Variants in ATP9A observed in about 807,000 individuals in gnomAD.
ATP9A encodes the protein probable phospholipid-transporting ATPase IIA.
A neutral mutation model predicts 144.1 loss-of-function variants in ATP9A; 52 were observed. The ratio of observed to expected loss-of-function variants is 0.36; its 90% CI spans 0.29 to 0.45. The LOEUF is 0.45. Ranked by LOEUF, ATP9A falls within the 20% of genes least tolerant of loss-of-function variation. ATP9A has a pLI of 1.00. For missense variants in ATP9A, 947 were observed against 1,392.7 expected (o/e 0.68, Z 5.09); for synonymous variants, 582 against 557.4 (o/e 1.04, Z -0.62).
intron 7 of ATP9A, 97 bp from the exon 8 acceptor site, chr20:51,690,916 C>A: frequency 1.0e-6 from 1 of 986,676 alleles, no homozygotes; most frequent in Non-Finnish European, 1.6e-6. Context: ...ATATTTCCCA[C>A]ACACAGCAAA....
At chr20:51,734,767 T>C (rs1393760425) in intron 1 of ATP9A, 1 of 214,492 alleles carries the variant, frequency 4.7e-6, no homozygotes, top group Non-Finnish European at 1.0e-5. Flanking sequence ...AAGAAGTGCA[T>C]GAAGAAGATG....
chr20:51,670,234 T>C (rs1234040538), intron 12 of ATP9A, 125 bp from the exon 13 acceptor site: 4 of 705,252 alleles, frequency 5.7e-6, no homozygotes, highest in Admixed American at 2.5e-5. Flanking sequence ...GTACTGTCCC[T>C]GCTGGGGAAG....
intron 24 of ATP9A, among the ~76,000 whole-genome samples, 155 bp downstream of exon 24, chr20:51,609,946 A>C (rs2077178662): frequency 1.3e-5 from 2 of 152,228 alleles, no homozygotes; most frequent in South Asian, 4.1e-4. Context: ...TAATTGAAGG[A>C]GGTTCTAAAC....
rs1015973290 is a variant in ATP9A, at chr20:51,768,165, C to T, written c.68+137G>A. 8.2e-5 allele frequency: 34 copies of T among 417,002 alleles called. 1 individual carries two copies. Among genetic ancestry groups the T allele is most frequent in the African/African-American group, 6.8e-4 (32 of 46,954 alleles). 25.8% of individuals were successfully genotyped at this position (417,002 alleles called of 1,614,324 possible). On this transcript the variant is annotated intron_variant, in intron 1 of 27. Transcript: ENST00000338821. ...GCGCAGGGACCCCCTCCCCACCTCC[C>T]CGCCTCCCCAGCCCTGCCCCAGGCT... is the stretch of plus-strand genomic sequence containing the variant.
chr20:51,646,531 G>A (rs1433449893), intron 14 of ATP9A, among the ~76,000 whole-genome samples: 1 of 152,140 alleles, frequency 6.6e-6, no homozygotes, highest in Non-Finnish European at 1.5e-5. Flanking sequence ...AAATGCACCA[G>A]GCAGTGGTTG....
chr20:51,727,735 G>A (rs1030068849), intron 2 of ATP9A, among the ~76,000 whole-genome samples: 4 of 152,054 alleles, frequency 2.6e-5, no homozygotes, highest in African/African-American at 9.7e-5. Flanking sequence ...TTCAAGACCA[G>A]CCTGGCCAAC....
At chr20:51,653,835 G>C (rs922085485) in intron 14 of ATP9A, among the ~76,000 whole-genome samples, 5 of 151,760 alleles carry the variant, frequency 3.3e-5, no homozygotes, top group Admixed American at 3.3e-4. Context: ...GGAGGCTGAA[G>C]GATCACTTGA....
chr20:51,746,909 G>A (rs1217331108), intron 1 of ATP9A, among the ~76,000 whole-genome samples: 1 of 152,064 alleles, frequency 6.6e-6, no homozygotes, highest in Non-Finnish European at 1.5e-5. Context: ...CAGAGGCTGA[G>A]GCAGGAGAAT....
At chr20:51,762,012 T>C (rs1393669376) in intron 1 of ATP9A, among the ~76,000 whole-genome samples, 1 of 152,032 alleles carries the variant, frequency 6.6e-6, no homozygotes, top group African/African-American at 2.4e-5. Context: ...TCTCCCAATC[T>C]TTCTCTTATG....
rs545924183 is a variant in ATP9A at position 51,725,438 on chromosome 20, G to A, written c.327+381C>T. Among the ~76,000 whole-genome samples the A allele has an allele frequency of 2.6e-4, 39 of 152,206 alleles. No homozygotes were observed. In the South Asian group the frequency reaches 7.9e-3, roughly 31 times the overall value. On this transcript the variant is annotated intron_variant, in intron 3 of 27. Coordinates refer to ENST00000338821, the MANE Select transcript of ATP9A (RefSeq NM_006045.3). ...TGCCTGGCCAGATTTTAGACCATTT[G>A]AGATTTTGGATTTGGGATGCTCAAC...
intron 1 of ATP9A, among the ~76,000 whole-genome samples, chr20:51,760,552 C>T (rs1384080754): frequency 6.6e-6 from 1 of 151,840 alleles, no homozygotes; most frequent in East Asian, 1.9e-4. Context: ...CATGGCGAAA[C>T]CCCGTCTCTA....
In ATP9A at chr20:51,685,495, G is replaced by A. The variant is rs535320791; in HGVS notation, c.799+3569C>T. ...GAGAATCACTTCAACCTGGGAAGGTGGAGGTTGCAGTGAGCCAAGATCACA... is the reference window on the plus strand; with the variant it reads ...GAGAATCACTTCAACCTGGGAAGGTAGAGGTTGCAGTGAGCCAAGATCACA... On this transcript the variant is annotated intron_variant, in intron 9 of 27. Transcript: ENST00000338821. Among the ~76,000 whole-genome samples the A allele has an allele frequency of 1.1e-4, 17 of 152,102 alleles. No individual in the cohort carries two copies. The East Asian group carries it at 2.3e-3, about 21-fold the overall frequency.
intron 22 of ATP9A, among the ~76,000 whole-genome samples, chr20:51,614,785 G>C (rs1197998979): frequency 2.0e-5 from 3 of 152,060 alleles, no homozygotes; most frequent in African/African-American, 7.2e-5. Flanking sequence ...CACTACAACT[G>C]TCCTGAATGC....
chr20:51,635,901 A>G (rs1189956574), intron 15 of ATP9A, among the ~76,000 whole-genome samples: 6 of 148,678 alleles, frequency 4.0e-5, no homozygotes, highest in African/African-American at 7.5e-5. Context: ...AGGGGAGAGG[A>G]CAGGAGGAAC....
chr20:51,624,619 G>C (rs2077240342), intron 18 of ATP9A, among the ~76,000 whole-genome samples: 1 of 152,152 alleles, frequency 6.6e-6, no homozygotes, highest in Non-Finnish European at 1.5e-5. Flanking sequence ...ATGCACGCTG[G>C]ACACTGCTCG....
At chr20:51,629,096 T>A (rs1357224698) in intron 15 of ATP9A, 24 bp from the exon 16 acceptor site, 2 of 1,585,718 alleles carry the variant, frequency 1.3e-6, no homozygotes, top group African/African-American at 2.7e-5. Flanking sequence ...CCGGAAGGAA[T>A]GAGAAACTGA....
chr20:51,712,600 C>T (rs2077644393), intron 4 of ATP9A, among the ~76,000 whole-genome samples: 1 of 152,204 alleles, frequency 6.6e-6, no homozygotes, highest in Non-Finnish European at 1.5e-5. Context: ...TCTTTGAAAA[C>T]AGTTTGCAGC....
At chr20:51,678,344 T>TA (rs2077485956) in intron 9 of ATP9A, among the ~76,000 whole-genome samples, 1 of 152,114 alleles carries the variant, frequency 6.6e-6, no homozygotes, top group South Asian at 2.1e-4. Flanking sequence ...TGTCAGGAGA[T>TA]ACAAAAATCC....
intron 9 of ATP9A, among the ~76,000 whole-genome samples, chr20:51,681,849 T>A (rs1313535345): frequency 2.0e-5 from 3 of 152,074 alleles, no homozygotes; most frequent in African/African-American, 7.2e-5. Flanking sequence ...TCTTGCTGCA[T>A]GAAAAGGAGG....
Sources: gnomAD v4.1 joint callset for allele counts (sites outside exome capture counted in the v4.1 genomes callset) on GRCh38, gnomAD v4.1.1 for gene constraint, MANE v1.5 for transcripts, NCBI Gene and HGNC (gene_info 2026-07-23, HGNC 2026-07-21) for gene names.